The following PCDH7 variants were observed in gnomAD, a reference collection of about 807,000 sequenced individuals.
The protein encoded by PCDH7 is protocadherin-7.
Under a neutral mutation model 58.9 loss-of-function variants are expected in PCDH7, and 17 were observed. The observed-to-expected ratio is 0.29, with a 90% CI of 0.20 to 0.43. The LOEUF is 0.43. Among genes scored for constraint, PCDH7 ranks in the 20% least tolerant of loss-of-function variants. PCDH7 has a pLI of 1.00. For synonymous variants in PCDH7, 664 were observed against 616.4 expected, an observed-to-expected ratio of 1.08 and a Z score of -1.14; for missense variants, 1,274 against 1,441.0, an observed-to-expected ratio of 0.88 and a Z score of 1.88.
At chr4:31,133,471 TG>T (rs550747786) in intron 3 of PCDH7, among the ~76,000 whole-genome samples, 42 of 152,224 alleles carry the variant, frequency 2.8e-4, no homozygotes, top group Non-Finnish European at 4.6e-4. Context: ...CTATTCTTAG[TG>T]GGATAATCAA....
chr4:30,866,450 C>T (rs1430620947), intron 1 of PCDH7, among the ~76,000 whole-genome samples: 3 of 152,076 alleles, frequency 2.0e-5, no homozygotes, highest in East Asian at 1.9e-4. Flanking sequence ...AGTTCATGCT[C>T]TTTCCATTAT....
intron 1 of PCDH7, among the ~76,000 whole-genome samples, chr4:30,835,819 A>G (rs976509414): frequency 1.3e-5 from 2 of 152,164 alleles, no homozygotes; most frequent in South Asian, 4.1e-4. Flanking sequence ...CATGCTGAAC[A>G]TTTTTTAAAA....
intron 3 of PCDH7, among the ~76,000 whole-genome samples, chr4:31,119,530 G>A (rs1717399469): frequency 6.6e-6 from 1 of 152,090 alleles, no homozygotes. Context: ...TTTTAGAGCA[G>A]GAGTGAAAGT....
intron 1 of PCDH7, among the ~76,000 whole-genome samples, chr4:30,729,221 C>A (rs1383570374): frequency 2.0e-5 from 3 of 151,736 alleles, no homozygotes; most frequent in Non-Finnish European, 4.4e-5. Context: ...GATCATACTA[C>A]CTTTGGGGGA....
At chr4:30,974,220 CTTTCTTTCTTTCTT>C (rs948265253) in intron 3 of PCDH7, among the ~76,000 whole-genome samples, 1 of 123,180 alleles carries the variant, frequency 8.1e-6, no homozygotes, top group Non-Finnish European at 1.7e-5. Context: ...CTTTCTTTCT[CTTTCTTTCTTTCTT>C]TTTCTTTCTT....
chr4:31,029,336 G>C (rs1754706915), intron 3 of PCDH7, among the ~76,000 whole-genome samples: 1 of 152,162 alleles, frequency 6.6e-6, no homozygotes, highest in South Asian at 2.1e-4. Context: ...TCTGAAGATG[G>C]TGGGTCTCAA....
At chr4:31,096,081 T>C (rs1713936938) in intron 3 of PCDH7, among the ~76,000 whole-genome samples, 1 of 152,154 alleles carries the variant, frequency 6.6e-6, no homozygotes, top group Non-Finnish European at 1.5e-5. Flanking sequence ...TAACCTAATT[T>C]CACTGATAAG....
At chr4:30,994,360 C>A (rs548068094) in intron 3 of PCDH7, among the ~76,000 whole-genome samples, 2 of 152,138 alleles carry the variant, frequency 1.3e-5, no homozygotes, top group Non-Finnish European at 2.9e-5. Context: ...GACACGATGA[C>A]CCATGACAGC....
At chr4:30,866,117 G>A (rs1734850531) in intron 1 of PCDH7, among the ~76,000 whole-genome samples, 2 of 151,942 alleles carry the variant, frequency 1.3e-5, no homozygotes, top group Admixed American at 6.6e-5. Flanking sequence ...AGTTATTTCT[G>A]CTCATTATCT....
At chr4:30,842,373 ATGAATTTTAT>A (rs1200284812) in intron 1 of PCDH7, among the ~76,000 whole-genome samples, 1 of 152,168 alleles carries the variant, frequency 6.6e-6, no homozygotes, top group Admixed American at 6.6e-5. Context: ...ATATCTTTTT[ATGAATTTTAT>A]TGATATCATG....
intron 1 of PCDH7, among the ~76,000 whole-genome samples, chr4:30,777,470 G>A (rs370872150): frequency 6.6e-6 from 1 of 152,254 alleles, no homozygotes; most frequent in East Asian, 1.9e-4. Context: ...AAGCATTGCT[G>A]ATTATCATTT....
In PCDH7 at chr4:30,775,557, T is replaced by C. The variant is rs987020923; in HGVS notation, c.70+50961T>C. The stretch of plus-strand genomic sequence containing the variant: ...TTTCCTTTCATACAATTGATTCTTG[T>C]AATCATTATTTCGAATTTTGCTTCT... On this transcript the variant is annotated intron_variant, in intron 1 of 3. Coordinates refer to the PCDH7 transcript ENST00000509759. Among the ~76,000 whole-genome samples, 5 of 152,190 alleles carry C rather than the reference T, an allele frequency of 3.3e-5. 1 individual carries two copies. Among genetic ancestry groups the C allele is most frequent in the Admixed American group, 3.3e-4 (5 of 15,284 alleles).
At chr4:31,084,912 C>A (rs75379659) in intron 3 of PCDH7, among the ~76,000 whole-genome samples, 1 of 151,990 alleles carries the variant, frequency 6.6e-6, no homozygotes, top group East Asian at 1.9e-4. Context: ...GAAGGATCTG[C>A]CCCCGTGGTC....
intron 1 of PCDH7, among the ~76,000 whole-genome samples, chr4:30,846,053 G>T (rs1435998880): frequency 6.6e-6 from 1 of 152,128 alleles, no homozygotes; most frequent in East Asian, 1.9e-4. Context: ...AGTCTAATGA[G>T]CAGCTACACT....
intron 1 of PCDH7, among the ~76,000 whole-genome samples, chr4:30,884,226 A>G (rs1737377295): frequency 6.6e-6 from 1 of 152,076 alleles, no homozygotes; most frequent in Non-Finnish European, 1.5e-5. Flanking sequence ...AACAGCATCT[A>G]TGTGTGGTAG....
At chr4:30,806,985 T>G (rs761299265) in intron 1 of PCDH7, among the ~76,000 whole-genome samples, 6 of 152,296 alleles carry the variant, frequency 3.9e-5, no homozygotes, top group Admixed American at 1.3e-4. Context: ...GACAGTACAC[T>G]GGTATCTGCT....
At chr4:30,923,022 T>C (rs1410897674) in intron 2 of PCDH7, among the ~76,000 whole-genome samples, 1 of 152,190 alleles carries the variant, frequency 6.6e-6, no homozygotes, top group Non-Finnish European at 1.5e-5. Flanking sequence ...ATTTGTCACA[T>C]TTAATTGGAA....
intron 1 of PCDH7, among the ~76,000 whole-genome samples, chr4:30,790,372 C>T (rs1040573452): frequency 6.6e-6 from 1 of 152,136 alleles, no homozygotes; most frequent in Non-Finnish European, 1.5e-5. Flanking sequence ...ACAGAACTAG[C>T]AGGAAGTGGA....
intron 3 of PCDH7, among the ~76,000 whole-genome samples, chr4:30,964,230 A>C (rs1389403617): frequency 3.1e-5 from 2 of 63,572 alleles, no homozygotes; most frequent in Non-Finnish European, 5.4e-5. Flanking sequence ...AGTTTTATTT[A>C]TTTATTTATT....
Sources: gnomAD v4.1 joint callset for allele counts (sites outside exome capture counted in the v4.1 genomes callset) on GRCh38, gnomAD v4.1.1 for gene constraint, MANE v1.5 for transcripts, NCBI Gene and HGNC (gene_info 2026-07-23, HGNC 2026-07-21) for gene names.